The following GALNTL6 variants were observed in gnomAD, a reference collection of about 807,000 sequenced individuals.
The protein encoded by GALNTL6 is polypeptide N-acetylgalactosaminyltransferase like 6.
In GALNTL6, 46 loss-of-function variants were observed where a neutral mutation model predicts 73.7. The observed-to-expected ratio is 0.62, with a 90% CI of 0.49 to 0.80. GALNTL6 has a LOEUF of 0.80. Among genes scored for constraint, GALNTL6 ranks in the 30% least tolerant of loss-of-function variants. The pLI, the probability that GALNTL6 is intolerant of heterozygous loss-of-function variation, is 0.00. For missense variants in GALNTL6, 604 were observed against 755.0 expected (o/e 0.80, Z 2.34); for synonymous variants, 259 against 263.7 (o/e 0.98, Z 0.17).
intron 2 of GALNTL6, among the ~76,000 whole-genome samples, chr4:172,121,006 A>G (rs991167386): frequency 1.3e-5 from 2 of 152,110 alleles, no homozygotes; most frequent in Non-Finnish European, 2.9e-5. Flanking sequence ...GTCAACCTTA[A>G]TAACAGAGAG....
At chr4:172,481,159 G>A (rs1733449257) in intron 5 of GALNTL6, among the ~76,000 whole-genome samples, 1 of 152,044 alleles carries the variant, frequency 6.6e-6, no homozygotes, top group Admixed American at 6.5e-5. Flanking sequence ...TGGTCTTGCT[G>A]GCTTCAGGAG....
chr4:172,375,342 G>A (rs1410499989), intron 5 of GALNTL6, among the ~76,000 whole-genome samples: 3 of 152,110 alleles, frequency 2.0e-5, no homozygotes, highest in Admixed American at 6.5e-5. Flanking sequence ...GAGAATATTG[G>A]GGCCAAGCCA....
At chr4:171,906,730 A>T (rs1021416038) in intron 2 of GALNTL6, among the ~76,000 whole-genome samples, 14 of 152,370 alleles carry the variant, frequency 9.2e-5, no homozygotes, top group South Asian at 2.1e-4. Flanking sequence ...ATGAACATTG[A>T]TGCAAAAATC....
At chr4:172,340,439 T>C (rs1267426804) in intron 4 of GALNTL6, among the ~76,000 whole-genome samples, 4 of 152,194 alleles carry the variant, frequency 2.6e-5, no homozygotes, top group African/African-American at 9.6e-5. Flanking sequence ...TCAGAGATAT[T>C]GGCCTATAGT....
At chr4:171,846,826 C>T (rs1735383615) in intron 2 of GALNTL6, among the ~76,000 whole-genome samples, 1 of 146,024 alleles carries the variant, frequency 6.8e-6, no homozygotes, top group Non-Finnish European at 1.5e-5. Flanking sequence ...ATGTATCTAT[C>T]TATAGATACA....
chr4:172,196,019 T>C (rs1226416435), intron 2 of GALNTL6, among the ~76,000 whole-genome samples: 1 of 148,396 alleles, frequency 6.7e-6, no homozygotes, highest in Non-Finnish European at 1.5e-5. Context: ...TTTTTTTTTT[T>C]TTTTAAATTA....
intron 2 of GALNTL6, among the ~76,000 whole-genome samples, chr4:171,950,583 G>A (rs983731815): frequency 2.0e-5 from 3 of 150,976 alleles, no homozygotes; most frequent in African/African-American, 7.3e-5. Flanking sequence ...AGGTTCAAGC[G>A]ATTCTCCTGC....
intron 7 of GALNTL6, among the ~76,000 whole-genome samples, chr4:172,833,434 A>T (rs1403604264): frequency 6.6e-6 from 1 of 152,180 alleles, no homozygotes. Context: ...ACAGTGCTCT[A>T]GACAGGGCGA....
At chr4:171,873,597 A>T (rs1400866051) in intron 2 of GALNTL6, among the ~76,000 whole-genome samples, 1 of 152,098 alleles carries the variant, frequency 6.6e-6, no homozygotes, top group Non-Finnish European at 1.5e-5. Context: ...TGAAAACTGT[A>T]TTTCTTCTTG....
At chr4:172,183,370 G>A (rs78248192) in intron 2 of GALNTL6, among the ~76,000 whole-genome samples, 1,667 of 152,298 alleles carry the variant, frequency 0.011, 14 homozygotes, top group Middle Eastern at 0.044. Flanking sequence ...AAGCTTAGAG[G>A]AAAGAGAGTG....
chr4:172,340,368 T>A (rs1741518857), intron 4 of GALNTL6, among the ~76,000 whole-genome samples: 1 of 152,214 alleles, frequency 6.6e-6, no homozygotes, highest in South Asian at 2.1e-4. Flanking sequence ...TATGATCATT[T>A]TAATGTTCTG....
At chr4:172,768,717 T>G (rs780957188) in intron 5 of GALNTL6, among the ~76,000 whole-genome samples, 1 of 152,216 alleles carries the variant, frequency 6.6e-6, no homozygotes, top group African/African-American at 2.4e-5. Context: ...TGTATGTTAC[T>G]GAGGTCTTAG....
intron 10 of GALNTL6, among the ~76,000 whole-genome samples, chr4:172,998,587 C>T (rs540917595): frequency 7.9e-5 from 12 of 152,056 alleles, no homozygotes; most frequent in Non-Finnish European, 1.5e-4. Flanking sequence ...TGTCTTCTAC[C>T]TTCATTCATG....
chr4:172,571,030 G>A (rs1425857756), intron 5 of GALNTL6, among the ~76,000 whole-genome samples: 1 of 152,162 alleles, frequency 6.6e-6, no homozygotes, highest in Non-Finnish European at 1.5e-5. Context: ...GGAAGCAGCT[G>A]TAAATACAGA....
chr4:172,903,825 C>T (rs1746748343), intron 8 of GALNTL6, among the ~76,000 whole-genome samples: 1 of 152,034 alleles, frequency 6.6e-6, no homozygotes, highest in Non-Finnish European at 1.5e-5. Flanking sequence ...TGTTATCTTG[C>T]CCACATCTAT....
At chr4:172,937,175 G>A (rs1392292413) in intron 9 of GALNTL6, among the ~76,000 whole-genome samples, 3 of 151,512 alleles carry the variant, frequency 2.0e-5, no homozygotes, top group South Asian at 2.1e-4. Context: ...GGAAGTATCA[G>A]GATAAAAATA....
chr4:172,099,122 C>T (rs555294682), intron 2 of GALNTL6, among the ~76,000 whole-genome samples: 1 of 152,062 alleles, frequency 6.6e-6, no homozygotes, highest in Admixed American at 6.6e-5. Context: ...ACAGACTTCT[C>T]AAAAAATGCT....
chr4:172,857,482 A>G (rs1465686303), intron 7 of GALNTL6, among the ~76,000 whole-genome samples: 1 of 152,200 alleles, frequency 6.6e-6, no homozygotes, highest in Non-Finnish European at 1.5e-5. Context: ...ATGTATGTGC[A>G]AGGCATTGGA....
At chr4:172,915,940 CA>C (rs1167040542) in intron 8 of GALNTL6, among the ~76,000 whole-genome samples, 2 of 151,922 alleles carry the variant, frequency 1.3e-5, no homozygotes, top group Non-Finnish European at 2.9e-5. Flanking sequence ...AGAGACACAA[CA>C]AAAAAAGAGA....
Sources: gnomAD v4.1 joint callset for allele counts (sites outside exome capture counted in the v4.1 genomes callset) on GRCh38, gnomAD v4.1.1 for gene constraint, MANE v1.5 for transcripts, NCBI Gene and HGNC (gene_info 2026-07-23, HGNC 2026-07-21) for gene names.